The following NFIB variants were observed in gnomAD, a reference collection of about 807,000 sequenced individuals.
NFIB encodes the protein nuclear factor I B.
A neutral mutation model predicts 61.5 loss-of-function variants in NFIB; 11 were observed. That is an observed-to-expected ratio of 0.18 (90% CI 0.11 to 0.30). NFIB has a LOEUF of 0.30. Ranked by LOEUF, NFIB falls within the 10% of genes least tolerant of loss-of-function variation. The probability of loss-of-function intolerance (pLI) is 1.00; values close to 1 mark genes in which losing one functional copy is unlikely to be tolerated. For missense variants in NFIB, 471 were observed against 608.9 expected, an observed-to-expected ratio of 0.77 and a Z score of 2.38; for synonymous variants, 260 against 216.5, an observed-to-expected ratio of 1.20 and a Z score of -1.76.
intron 1 of NFIB, among the ~76,000 whole-genome samples, chr9:14,336,588 C>T (rs1013897583): frequency 5.9e-5 from 9 of 152,204 alleles, no homozygotes; most frequent in African/African-American, 2.2e-4. Context: ...GAGATATGCT[C>T]TGAAGCTGCG....
intron 2 of NFIB, 116 bp downstream of exon 2, chr9:14,306,873 G>C (rs967152843): frequency 2.4e-6 from 3 of 1,254,538 alleles, no homozygotes; most frequent in Non-Finnish European, 3.3e-6. Context: ...TATACCCAGA[G>C]AGGGTGGAGG....
At chr9:14,289,108 G>GTGTGTGTA (rs2058911136) in intron 2 of NFIB, among the ~76,000 whole-genome samples, 2 of 144,812 alleles carry the variant, frequency 1.4e-5, no homozygotes, top group African/African-American at 5.2e-5. Flanking sequence ...GTGTGTGTAT[G>GTGTGTGTA]TGTGTGTGTA....
At chr9:14,304,905 C>T (rs549732568) in intron 2 of NFIB, among the ~76,000 whole-genome samples, 3 of 152,132 alleles carry the variant, frequency 2.0e-5, no homozygotes, top group Non-Finnish European at 4.4e-5. Flanking sequence ...AGCATCCTGA[C>T]GTGAGTTTTT....
intron 6 of NFIB, among the ~76,000 whole-genome samples, chr9:14,144,478 T>G (rs1437249079): frequency 6.6e-6 from 1 of 152,198 alleles, no homozygotes; most frequent in Non-Finnish European, 1.5e-5. Context: ...TCTGCAACTC[T>G]GGTAAAAGTC....
intron 2 of NFIB, among the ~76,000 whole-genome samples, chr9:14,286,700 T>C (rs2058729618): frequency 6.6e-6 from 1 of 152,234 alleles, no homozygotes; most frequent in Admixed American, 6.5e-5. Flanking sequence ...ATCTGTAAAA[T>C]GTCTGTCTTC....
intron 10 of NFIB, among the ~76,000 whole-genome samples, chr9:14,097,065 T>C (rs182793468): frequency 2.3e-4 from 35 of 152,324 alleles, no homozygotes; most frequent in African/African-American, 7.9e-4. Context: ...TGTGCGTCCG[T>C]GAAAACCATA....
chr9:14,367,993 C>G (rs903972836), intron 1 of NFIB, among the ~76,000 whole-genome samples: 1 of 152,110 alleles, frequency 6.6e-6, no homozygotes, highest in African/African-American at 2.4e-5. Context: ...CAAACCTGCA[C>G]GTTCTGCACA....
rs928981468 is a variant in NFIB at position 14,083,639 on chromosome 9, T to A, written c.*4670A>T. The A allele has an allele frequency of 4.4e-6, 1 of 228,302 alleles. No homozygotes were observed. The highest frequency in any genetic ancestry group is 5.7e-5 in the Admixed American group (1 of 17,590). The allele number at this position is 228,302 out of a possible 1,614,324, so 14.1% of individuals were successfully genotyped here. ...ATCTGCCAGCAATATTGTAGAGTTG[T>A]TTCATTAAAAATGAATACTGTACAC... On this transcript the variant is annotated 3_prime_UTR_variant, in exon 11 of 11. Coordinates refer to ENST00000380953, the MANE Select transcript of NFIB (RefSeq NM_001190737.2).
chr9:14,359,108 G>A lies in NFIB; in HGVS notation c.108+39416C>T, dbSNP rs542733053. Among the ~76,000 whole-genome samples, 5 of 152,264 alleles carry A rather than the reference G, an allele frequency of 3.3e-5. No homozygotes were observed. The South Asian group carries it at 1.0e-3, about 32-fold the overall frequency. The stretch of plus-strand genomic sequence containing the variant: ...AGCAGCGTTTACACTACAGAACTGG[G>A]CAAATGCTACAAGATCAGGGTATAC... On this transcript the variant is annotated intron_variant, in intron 1 of 8. Transcript: ENST00000380934.
At chr9:14,403,287 G>C (rs2061759863), upstream of NFIB, among the ~76,000 whole-genome samples, 1 of 152,176 alleles carries the variant, frequency 6.6e-6, no homozygotes, top group African/African-American at 2.4e-5. Flanking sequence ...GTCTCTTTAA[G>C]AGACGATAGG....
Position 14,112,982 on chromosome 9 carries a change from G to C in NFIB, c.1467+17C>G, listed in dbSNP as rs753527686. The stretch of plus-strand genomic sequence containing the variant: ...AAAGCGTGGCTACACCGTCACACCT[G>C]GGTGAAACTTGCCCACCTGTTGCTG... On this transcript the variant is annotated intron_variant, in intron 10 of 10. Coordinates refer to ENST00000380953, the MANE Select transcript of NFIB (RefSeq NM_001190737.2). 2.2e-5 allele frequency: 34 copies of C among 1,548,878 alleles called. 1 individual carries two copies. The South Asian group carries it at 3.5e-4, about 16-fold the overall frequency.
At chr9:14,275,623 T>C (rs959289305) in intron 2 of NFIB, among the ~76,000 whole-genome samples, 4 of 152,126 alleles carry the variant, frequency 2.6e-5, no homozygotes, top group African/African-American at 9.7e-5. Flanking sequence ...GCATCTTAAT[T>C]TCCTAGTTGT....
intron 2 of NFIB, among the ~76,000 whole-genome samples, chr9:14,191,524 G>A (rs1010744244): frequency 1.3e-5 from 2 of 152,182 alleles, no homozygotes; most frequent in Middle Eastern, 3.4e-3. Context: ...GCAGAGCTAT[G>A]TACCAGGTGC....
chr9:14,429,024 T>C, the NFIB span, among the ~76,000 whole-genome samples: 1 of 152,172 alleles, frequency 6.6e-6, no homozygotes, highest in Non-Finnish European at 1.5e-5. Context: ...TCTTTGCTTA[T>C]TATCAGAGGG....
intron 1 of NFIB, among the ~76,000 whole-genome samples, chr9:14,390,993 G>T (rs28821534): frequency 0.013 from 1,918 of 152,244 alleles, 42 homozygotes; most frequent in African/African-American, 0.043. Flanking sequence ...CATATATAAA[G>T]AAATGGGGGG....
intron 6 of NFIB, among the ~76,000 whole-genome samples, chr9:14,143,439 A>T (rs773123444): frequency 2.2e-4 from 33 of 152,246 alleles, no homozygotes; most frequent in Non-Finnish European, 4.1e-4. Context: ...AGAATGCCAC[A>T]TATTGTCCAT....
the NFIB span, among the ~76,000 whole-genome samples, chr9:14,438,754 G>A: frequency 1.4e-4 from 21 of 152,266 alleles, 1 homozygote; most frequent in Non-Finnish European, 2.2e-4. Flanking sequence ...CCTCGTGAGC[G>A]GGGGCTGATC....
chr9:14,353,542 GAGTGGGC>G (rs1159740427), intron 1 of NFIB, among the ~76,000 whole-genome samples: 1 of 152,166 alleles, frequency 6.6e-6, no homozygotes, highest in Admixed American at 6.5e-5. Context: ...GGGGGCTGGG[GAGTGGGC>G]TGGTTCCAAT....
intron 1 of NFIB, among the ~76,000 whole-genome samples, chr9:14,349,896 C>G (rs1048168415): frequency 6.6e-6 from 1 of 152,220 alleles, no homozygotes; most frequent in Non-Finnish European, 1.5e-5. Flanking sequence ...AATATTGGCT[C>G]TTAAGTCACA....
Sources: allele counts gnomAD v4.1 joint callset (sites outside exome capture counted in the v4.1 genomes callset), GRCh38; gene constraint gnomAD v4.1.1; transcripts MANE v1.5; gene names NCBI Gene and HGNC (gene_info 2026-07-23, HGNC 2026-07-21).